Variants in GSG1L observed in about 807,000 individuals in gnomAD.
GSG1L encodes the protein GSG1 like.
A neutral mutation model predicts 42.1 loss-of-function variants in GSG1L; 24 were observed. That is an observed-to-expected ratio of 0.57 (90% CI 0.41 to 0.80). The LOEUF is 0.80. Among genes scored for constraint, GSG1L ranks in the 30% least tolerant of loss-of-function variants. The probability of loss-of-function intolerance (pLI) is 0.00; values close to 1 mark genes in which losing one functional copy is unlikely to be tolerated. For missense variants in GSG1L, 445 were observed against 472.2 expected, an observed-to-expected ratio of 0.94 and a Z score of 0.53; for synonymous variants, 215 against 203.5, an observed-to-expected ratio of 1.06 and a Z score of -0.48.
intron 2 of GSG1L, among the ~76,000 whole-genome samples, chr16:27,927,678 C>T (rs1245490875): frequency 6.6e-6 from 1 of 152,210 alleles, no homozygotes; most frequent in Non-Finnish European, 1.5e-5. Context: ...ATCCTCAGTG[C>T]TCCACCCAGC....
Position 27,947,823 on chromosome 16 carries a change from T to G in GSG1L, c.397+15333A>C, listed in dbSNP as rs937383612. 9.2e-5 allele frequency among the ~76,000 whole-genome samples: 14 copies of G among 152,228 alleles called. No homozygotes were observed. The South Asian group carries it at 2.5e-3, about 27-fold the overall frequency. ...GTTCTATCTCTGGGCCTCAATTTCC[T>G]CATCTGTTAAATGGAGCAAGTGGGA... On this transcript the variant is annotated intron_variant, in intron 2 of 6. Coordinates refer to ENST00000447459, the MANE Select transcript of GSG1L (RefSeq NM_001109763.2).
intron 3 of GSG1L, chr16:27,850,735 T>C (rs900964132): frequency 1.4e-4 from 47 of 347,514 alleles, no homozygotes; most frequent in Middle Eastern, 9.9e-4. Context: ...GGCCTGGGGC[T>C]CAGGAAGGCA....
chr16:27,974,867 G>A (rs778230985), intron 1 of GSG1L, among the ~76,000 whole-genome samples: 4 of 152,116 alleles, frequency 2.6e-5, no homozygotes, highest in Non-Finnish European at 5.9e-5. Flanking sequence ...TGGTACCTCC[G>A]AGGGGCTCAC....
At position 27,936,904 on chromosome 16, in the gene GSG1L, G is replaced by A. The variant is rs529807393; in HGVS notation, c.397+26252C>T. ...CAAAATAAACGTCCAGGGCAGGAAA[G>A]TCATTGAGGCAGCCCATGCATCCTC... On this transcript the variant is annotated intron_variant, in intron 2 of 6. Coordinates refer to ENST00000447459, the MANE Select transcript of GSG1L (RefSeq NM_001109763.2). Among the ~76,000 whole-genome samples the A allele has an allele frequency of 4.6e-5, 7 of 152,282 alleles. No homozygotes were observed. The East Asian group carries it at 1.4e-3, about 29-fold the overall frequency.
At chr16:28,013,397 C>CGAAGG (rs61502890) in intron 1 of GSG1L, among the ~76,000 whole-genome samples, 1 of 151,438 alleles carries the variant, frequency 6.6e-6, no homozygotes, top group Non-Finnish European at 1.5e-5. Flanking sequence ...ATGGCATGTG[C>CGAAGG]CCCTGCCACA....
chr16:27,857,475 T>C (rs527964798), intron 3 of GSG1L, among the ~76,000 whole-genome samples: 5 of 149,318 alleles, frequency 3.3e-5, no homozygotes, highest in African/African-American at 9.9e-5. Context: ...GGTGCGATGG[T>C]TCACTCCTGT....
At chr16:27,797,221 C>T (rs577132312) in intron 6 of GSG1L, among the ~76,000 whole-genome samples, 1 of 152,240 alleles carries the variant, frequency 6.6e-6, no homozygotes, top group East Asian at 1.9e-4. Flanking sequence ...AACTATGCAG[C>T]CATTAAAAAA....
intron 2 of GSG1L, among the ~76,000 whole-genome samples, chr16:27,940,025 C>A (rs1233134766): frequency 6.6e-6 from 1 of 152,004 alleles, no homozygotes; most frequent in Non-Finnish European, 1.5e-5. Context: ...CAAACAACCC[C>A]ATCAAAAAGC....
intron 1 of GSG1L, among the ~76,000 whole-genome samples, chr16:28,032,958 T>C (rs1043713954): frequency 6.6e-6 from 1 of 152,204 alleles, no homozygotes; most frequent in Non-Finnish European, 1.5e-5. Context: ...TTTTGTTAAA[T>C]GTAAGCCACG....
intron 4 of GSG1L, among the ~76,000 whole-genome samples, chr16:27,838,368 C>A (rs531266495): frequency 6.6e-6 from 1 of 152,154 alleles, no homozygotes; most frequent in Admixed American, 6.5e-5. Flanking sequence ...AGGGCCCCAA[C>A]GCACCCACAA....
At chr16:27,907,226 C>T (rs1004274529) in intron 2 of GSG1L, among the ~76,000 whole-genome samples, 2 of 152,174 alleles carry the variant, frequency 1.3e-5, no homozygotes. Flanking sequence ...CCAGTACAGA[C>T]CCCCTCAGAA....
chr16:27,846,095 A>G (rs1000449432), intron 3 of GSG1L, among the ~76,000 whole-genome samples: 2 of 151,998 alleles, frequency 1.3e-5, no homozygotes, highest in African/African-American at 4.8e-5. Flanking sequence ...TACTGATTTT[A>G]AAGGACACTT....
chr16:27,845,107 C>T, intron 3 of GSG1L, 46 bp from the exon 4 acceptor site: 1 of 1,338,600 alleles, frequency 7.5e-7, no homozygotes, highest in Non-Finnish European at 1.1e-6. Context: ...TAAGGAAGGG[C>T]TTTGTCCCCA....
chr16:28,016,307 TG>T (rs1317253955), intron 1 of GSG1L, among the ~76,000 whole-genome samples: 2 of 152,142 alleles, frequency 1.3e-5, no homozygotes, highest in African/African-American at 4.8e-5. Flanking sequence ...ATAGTTTTAA[TG>T]TGGATAAAAA....
intron 1 of GSG1L, among the ~76,000 whole-genome samples, chr16:27,989,478 A>G (rs1416050179): frequency 1.3e-5 from 2 of 151,852 alleles, no homozygotes; most frequent in Non-Finnish European, 2.9e-5. Flanking sequence ...GGTGGTTCAC[A>G]CCTGTAATCC....
chr16:27,899,065 T>C (rs1214382547), intron 2 of GSG1L, among the ~76,000 whole-genome samples: 2 of 152,158 alleles, frequency 1.3e-5, no homozygotes, highest in East Asian at 3.9e-4. Flanking sequence ...AGGACACAGA[T>C]GGGCAAGGCT....
intron 4 of GSG1L, among the ~76,000 whole-genome samples, chr16:27,839,425 T>A (rs1202610616): frequency 1.3e-5 from 2 of 152,228 alleles, no homozygotes; most frequent in Non-Finnish European, 2.9e-5. Context: ...AGAGGAGAAC[T>A]TTTTCCATTT....
rs71985960 is a variant in GSG1L at position 27,928,517 on chromosome 16, GAAAACAAAAC to G, written c.397+34629_397+34638del. On this transcript the variant is annotated intron_variant, in intron 2 of 6. Transcript: ENST00000447459. Reference sequence around the variant, plus strand: ...TCTTGTGAGTGGAAAGAAAAGAAAAGAAAACAAAACAAAACAAAACAAAACAAAAAAGCCC... The same window carrying G: ...TCTTGTGAGTGGAAAGAAAAGAAAAGAAAACAAAACAAAACAAAAAAGCCC... 1.0e-3 allele frequency among the ~76,000 whole-genome samples: 153 copies of G among 150,876 alleles called. 2 individuals carry two copies. Among genetic ancestry groups the G allele is most frequent in the Admixed American group, 8.4e-3 (128 of 15,172 alleles).
At chr16:27,968,621 A>G (rs1018352248) in intron 1 of GSG1L, among the ~76,000 whole-genome samples, 5 of 152,124 alleles carry the variant, frequency 3.3e-5, no homozygotes, top group African/African-American at 9.7e-5. Flanking sequence ...AGACCTTTAT[A>G]GAAGTATTCT....
Sources: gnomAD v4.1 joint callset for allele counts (sites outside exome capture counted in the v4.1 genomes callset) on GRCh38, gnomAD v4.1.1 for gene constraint, MANE v1.5 for transcripts, NCBI Gene and HGNC (gene_info 2026-07-23, HGNC 2026-07-21) for gene names.